Variants in CAAP1 observed in about 807,000 individuals in gnomAD.
CAAP1 encodes the protein caspase activity and apoptosis inhibitor 1.
Under a neutral mutation model 34.0 loss-of-function variants are expected in CAAP1, and 20 were observed. That is an observed-to-expected ratio of 0.59 (90% CI 0.41 to 0.86). The LOEUF (loss-of-function observed/expected upper bound fraction) is 0.86, where lower values mean the gene tolerates loss of function less well. Ranked by LOEUF, CAAP1 falls within the 40% of genes least tolerant of loss-of-function variation. The probability of loss-of-function intolerance (pLI) is 0.00; values close to 1 mark genes in which losing one functional copy is unlikely to be tolerated. For synonymous variants in CAAP1, 213 were observed against 166.7 expected, an observed-to-expected ratio of 1.28 and a Z score of -2.14; for missense variants, 538 against 450.5, an observed-to-expected ratio of 1.19 and a Z score of -1.76.
intron 5 of CAAP1, among the ~76,000 whole-genome samples, chr9:26,845,478 C>T (rs745739629): frequency 5.3e-5 from 8 of 152,292 alleles, no homozygotes; most frequent in Middle Eastern, 3.4e-3. Flanking sequence ...AGGGTTCAAG[C>T]GATTCTCCTG....
intron 5 of CAAP1, among the ~76,000 whole-genome samples, chr9:26,859,141 TG>T (rs1822947036): frequency 2.0e-5 from 3 of 152,196 alleles, no homozygotes; most frequent in African/African-American, 7.2e-5. Context: ...GCCATCAGTG[TG>T]TTCCTAATGT....
At chr9:26,861,234 G>C in intron 4 of CAAP1, 95 bp from the exon 5 acceptor site, 1 of 818,708 alleles carries the variant, frequency 1.2e-6, no homozygotes, top group Non-Finnish European at 2.1e-6. Context: ...CACTAGGGAA[G>C]ACAGGCTACA....
chr9:26,878,832 C>T (rs771924465), intron 4 of CAAP1, among the ~76,000 whole-genome samples: 22 of 151,866 alleles, frequency 1.4e-4, no homozygotes, highest in Non-Finnish European at 2.6e-4. Context: ...AAAAATCCAA[C>T]GCTTTCCTCT....
chr9:26,859,890 T>G (rs1194424672), intron 5 of CAAP1, among the ~76,000 whole-genome samples: 1 of 152,206 alleles, frequency 6.6e-6, no homozygotes, highest in East Asian at 1.9e-4. Flanking sequence ...AAATCTAGAT[T>G]TTGCTCTCTC....
rs1472708080 is a variant in CAAP1 at position 26,840,919 on chromosome 9, A to G, written c.*1382T>C. ...AACTCATAACTCAAATCTGTTTACC[A>G]GCTTAAGAGAAGCATTTAAAATCAT... is the stretch of plus-strand genomic sequence containing the variant. On this transcript the variant is annotated 3_prime_UTR_variant, in exon 6 of 6. Transcript: ENST00000333916. 1 of 152,206 alleles carries G rather than the reference A, an allele frequency of 6.6e-6. No homozygotes were observed. The highest frequency in any genetic ancestry group is 6.5e-5 in the Admixed American group (1 of 15,278). The allele number at this position is 152,206 out of a possible 1,614,324, so 9.4% of individuals were successfully genotyped here. A position where few individuals can be genotyped will look rare whatever the true frequency, so the allele number is the denominator to read the frequency against.
chr9:26,859,731 C>T (rs968144796), intron 5 of CAAP1, among the ~76,000 whole-genome samples: 1 of 152,034 alleles, frequency 6.6e-6, no homozygotes, highest in East Asian at 1.9e-4. Context: ...GAGTTTATGG[C>T]GGTGCTCAGA....
intron 5 of CAAP1, among the ~76,000 whole-genome samples, chr9:26,860,532 C>G (rs1161091776): frequency 6.6e-6 from 1 of 152,160 alleles, no homozygotes; most frequent in Non-Finnish European, 1.5e-5. Context: ...GTGGCTCACC[C>G]CTGTAATCCC....
At chr9:26,890,684 G>A (rs552057031) in intron 1 of CAAP1, among the ~76,000 whole-genome samples, 1 of 151,712 alleles carries the variant, frequency 6.6e-6, no homozygotes, top group African/African-American at 2.4e-5. Flanking sequence ...GGTGGCTCAC[G>A]CCTGTAATCC....
At chr9:26,858,980 G>C (rs1423846915) in intron 5 of CAAP1, among the ~76,000 whole-genome samples, 3 of 135,522 alleles carry the variant, frequency 2.2e-5, no homozygotes, top group African/African-American at 2.9e-5. Flanking sequence ...CTGGGCAATA[G>C]AGCGAGAGAC....
intron 5 of CAAP1, among the ~76,000 whole-genome samples, chr9:26,853,743 TCAAA>T (rs769724059): frequency 7.2e-5 from 11 of 152,298 alleles, no homozygotes; most frequent in Non-Finnish European, 1.2e-4. Flanking sequence ...GGATCAGTAC[TCAAA>T]CAGAGGGTCT....
intron 1 of CAAP1, among the ~76,000 whole-genome samples, chr9:26,891,513 T>C (rs1823902490): frequency 1.3e-5 from 2 of 152,186 alleles, no homozygotes; most frequent in African/African-American, 4.8e-5. Context: ...TCACACTCTC[T>C]CCCAACATAA....
At chr9:26,874,352 C>A (rs1823368999) in intron 4 of CAAP1, among the ~76,000 whole-genome samples, 1 of 151,476 alleles carries the variant, frequency 6.6e-6, no homozygotes, top group Non-Finnish European at 1.5e-5. Flanking sequence ...TCATCTCAAA[C>A]TCAACATTTC....
chr9:26,862,169 G>A (rs1823017480), intron 4 of CAAP1, among the ~76,000 whole-genome samples: 1 of 152,058 alleles, frequency 6.6e-6, no homozygotes, highest in Non-Finnish European at 1.5e-5. Context: ...AGAATGACTG[G>A]CAGGTCCCAA....
At chr9:26,856,902 A>G (rs773774460) in intron 5 of CAAP1, among the ~76,000 whole-genome samples, 2 of 152,226 alleles carry the variant, frequency 1.3e-5, no homozygotes, top group Non-Finnish European at 2.9e-5. Context: ...AAACCATAAG[A>G]ACTTAATTTT....
intron 4 of CAAP1, chr9:26,869,947 G>A (rs1379977716): frequency 1.0e-6 from 1 of 984,524 alleles, no homozygotes; most frequent in Non-Finnish European, 1.2e-6. Context: ...CTAACCCAGT[G>A]CTTGAGCAGC....
chr9:26,864,178 A>G (rs1823072888), intron 4 of CAAP1, among the ~76,000 whole-genome samples: 1 of 152,170 alleles, frequency 6.6e-6, no homozygotes, highest in South Asian at 2.1e-4. Flanking sequence ...CTGAGATTTA[A>G]GTTCTGAAAC....
At chr9:26,844,559 TGAA>T (rs758434409) in intron 5 of CAAP1, among the ~76,000 whole-genome samples, 129 of 152,298 alleles carry the variant, frequency 8.5e-4, no homozygotes, top group Admixed American at 9.2e-4. Context: ...AGATAATGAA[TGAA>T]GAGCTGAATA....
intron 3 of CAAP1, among the ~76,000 whole-genome samples, chr9:26,885,355 G>A (rs1016923634): frequency 3.3e-5 from 5 of 152,100 alleles, no homozygotes; most frequent in Admixed American, 6.5e-5. Flanking sequence ...GATTACAGGC[G>A]TGAGCCATCG....
intron 4 of CAAP1, among the ~76,000 whole-genome samples, chr9:26,875,150 C>T (rs1280605636): frequency 6.6e-6 from 1 of 152,068 alleles, no homozygotes; most frequent in Non-Finnish European, 1.5e-5. Flanking sequence ...TTTGGGAGGC[C>T]AAGGCAGGTG....
Sources: allele counts gnomAD v4.1 joint callset (sites outside exome capture counted in the v4.1 genomes callset), GRCh38; gene constraint gnomAD v4.1.1; transcripts MANE v1.5; gene names NCBI Gene and HGNC (gene_info 2026-07-23, HGNC 2026-07-21).